Variants in NUP62 observed in about 807,000 individuals in gnomAD.
NUP62 encodes nuclear pore glycoprotein p62.
For synonymous variants in NUP62, 305 were observed against 303.4 expected (o/e 1.01, Z -0.05); for missense variants, 647 against 689.4 (o/e 0.94, Z 0.69).
intron 2 of NUP62, among the ~76,000 whole-genome samples, chr19:49,924,283 G>A (rs11083990): frequency 0.29 from 44,546 of 151,896 alleles, 7,084 homozygotes; most frequent in Non-Finnish European, 0.34. Context: ...GTGATCTGAG[G>A]CCCCTTCTTG....
chr19:49,909,847 A>G lies in NUP62; in HGVS notation c.-40T>C, dbSNP rs1394022379. On this transcript the variant is annotated 5_prime_UTR_variant, in exon 3 of 3. Transcript: ENST00000352066. ...GTGGCGGCAGCTACTCTGGCTCCCA[A>G]AGCAAATCCGTCGGTGTCTGCAGCC... 8.1e-6 allele frequency: 13 copies of G among 1,601,830 alleles called. No homozygotes were observed. In the Admixed American group the frequency reaches 2.2e-4, roughly 27 times the overall value.
chr19:49,906,917 T>A lies in NUP62; in HGVS notation c.*1322A>T, dbSNP rs1478347369. The A allele has an allele frequency of 6.6e-6, 1 of 152,462 alleles. No homozygotes were observed. The highest frequency in any genetic ancestry group is 1.5e-5 in the Non-Finnish European group (1 of 68,216). 9.4% of individuals were successfully genotyped at this position (152,462 alleles called of 1,614,324 possible). On this transcript the variant is annotated 3_prime_UTR_variant, in exon 3 of 3. Transcript: ENST00000352066. ...AAAGTATAAAGACAAATACAAAAGATGCTTGGGATACAACCGCTAGCTTCT... is the reference window on the plus strand; with the variant it reads ...AAAGTATAAAGACAAATACAAAAGAAGCTTGGGATACAACCGCTAGCTTCT...
At chr19:49,922,721 A>C (rs1183133567) in intron 2 of NUP62, among the ~76,000 whole-genome samples, 1 of 151,856 alleles carries the variant, frequency 6.6e-6, no homozygotes, top group African/African-American at 2.4e-5. Flanking sequence ...GAAAAAAAAA[A>C]AACTGGATTT....
Position 49,908,203 on chromosome 19 carries a change from TC to T in NUP62, c.*35del. On this transcript the variant is annotated 3_prime_UTR_variant, in exon 3 of 3. Coordinates refer to ENST00000352066, the MANE Select transcript of NUP62 (RefSeq NM_016553.5). ...AACAGGGCGCATTCCCCTCATGAAC[TC>T]CCTAGGGACCTGCGGGCCCCAGGGC... 7 of 1,607,906 alleles carry T rather than the reference TC, an allele frequency of 4.4e-6. No individual in the cohort carries two copies. The highest frequency in any genetic ancestry group is 5.9e-6 in the Non-Finnish European group (7 of 1,179,124).
In NUP62 at chr19:49,907,073, A is replaced by G. The variant is rs1278445974; in HGVS notation, c.*1166T>C. On this transcript the variant is annotated 3_prime_UTR_variant, in exon 3 of 3. Transcript: ENST00000352066. ...GTGGACTGACGTTACACTGGGCTTC[A>G]TTGTTCTTTCATTTAACAAATGTGA... The G allele has an allele frequency of 4.5e-5, 7 of 156,900 alleles. No homozygotes were observed. Among genetic ancestry groups the G allele is most frequent in the African/African-American group, 1.2e-4 (5 of 41,574 alleles). The allele number at this position is 156,900 out of a possible 1,614,324, so 9.7% of individuals were successfully genotyped here. A position where few individuals can be genotyped will look rare whatever the true frequency, so the allele number is the denominator to read the frequency against.
At chr19:49,919,937 T>G (rs1400763460) in intron 2 of NUP62, among the ~76,000 whole-genome samples, 5 of 152,196 alleles carry the variant, frequency 3.3e-5, no homozygotes, top group Non-Finnish European at 5.9e-5. Context: ...AAAAAATTTT[T>G]TTTTTTCTAA....
chr19:49,908,065 G>C lies in NUP62; in HGVS notation c.*174C>G, dbSNP rs2075363031. On this transcript the variant is annotated 3_prime_UTR_variant, in exon 3 of 3. Transcript: ENST00000352066. ...GGCTGCTGCCTGGGCAGAAGGCCCA[G>C]AATACCCTCCTAAATGGAAAAACGC... is the stretch of plus-strand genomic sequence containing the variant. 11 of 1,391,034 alleles carry C rather than the reference G, an allele frequency of 7.9e-6. No homozygotes were observed. Among genetic ancestry groups the C allele is most frequent in the Non-Finnish European group, 3.8e-6 (4 of 1,051,804 alleles). The allele number at this position is 1,391,034 out of a possible 1,614,324, so 86.2% of individuals were successfully genotyped here.
In NUP62 at chr19:49,909,870, G is replaced by C. The variant is rs1402776298; in HGVS notation, c.-63C>G. 6.5e-7 allele frequency: 1 copy of C among 1,549,354 alleles called. No individual in the cohort carries two copies. Among genetic ancestry groups the C allele is most frequent in the Admixed American group, 1.7e-5 (1 of 58,332 alleles). On this transcript the variant is annotated 5_prime_UTR_variant, in exon 3 of 3. Coordinates refer to ENST00000352066, the MANE Select transcript of NUP62 (RefSeq NM_016553.5). ...CAAAGCAAATCCGTCGGTGTCTGCA[G>C]CCTTGGGAAGATTTCTAAAGCAGAG...
Position 49,908,145 on chromosome 19 carries a change from A to G in NUP62, c.*94T>C. ...TCATGTGAAAGAAAGAAACAAACAAACAAGTATCTTGCCACAACCCCAAAC... is the reference window on the plus strand; with the variant it reads ...TCATGTGAAAGAAAGAAACAAACAAGCAAGTATCTTGCCACAACCCCAAAC... On this transcript the variant is annotated 3_prime_UTR_variant, in exon 3 of 3. Transcript: ENST00000352066. The G allele has an allele frequency of 6.5e-7, 1 of 1,539,038 alleles. No homozygotes were observed.
At chr19:49,923,291 CCA>C in intron 2 of NUP62, among the ~76,000 whole-genome samples, 1 of 152,206 alleles carries the variant, frequency 6.6e-6, no homozygotes, top group Admixed American at 6.5e-5. Context: ...CCTGCGTGAC[CCA>C]GTTACCCTCC....
At position 49,909,107 on chromosome 19, in the gene NUP62, G is replaced by C; in HGVS notation, c.701C>G (p.Thr234Ser). ...SIATAPTSSA[T>S]TGLSLCTPVT... ...AGGGGTACAGAGGGAGAGTCCAGTG[G>C]TGGCAGATGAGGTTGGAGCAGTTGC... Residue 234 changes from threonine (T) to serine (S), a missense_variant, in exon 3 of 3, where the codon ACC becomes AGC. By Grantham distance (58) the Thr-to-Ser change is moderately conservative. Coordinates refer to ENST00000352066, the MANE Select transcript of NUP62 (RefSeq NM_016553.5). 1 of 1,612,468 alleles carries C rather than the reference G, an allele frequency of 6.2e-7. No individual in the cohort carries two copies. Among genetic ancestry groups the C allele is most frequent in the Non-Finnish European group, 8.5e-7 (1 of 1,180,024 alleles).
intron 2 of NUP62, among the ~76,000 whole-genome samples, chr19:49,918,917 G>C (rs1158194395): frequency 1.5e-5 from 2 of 133,790 alleles, no homozygotes; most frequent in Non-Finnish European, 3.2e-5. Flanking sequence ...GGCGGGGTGT[G>C]GGGGGGCGGA....
Position 49,909,551 on chromosome 19 carries a change from G to C in NUP62, c.257C>G (p.Thr86Ser). The change falls in exon 3 of 3, where the codon ACT becomes AGT. Residue 86 changes from threonine (T) to serine (S), a missense_variant. Thr to Ser is a moderately conservative substitution (Grantham distance 58). Transcript: ENST00000352066. The stretch of plus-strand genomic sequence containing the variant: ...AGCACCGATCCCCAAAGAAAATCCA[G>C]TTCCCCCCGAAGCAAGAGTCGCTGT... The part of the protein sequence containing the change: ...FGTATLASGG[T>S]GFSLGIGASK... 6.2e-7 allele frequency: 1 copy of C among 1,614,206 alleles called. No individual in the cohort carries two copies. Among genetic ancestry groups the C allele is most frequent in the Non-Finnish European group, 8.5e-7 (1 of 1,180,040 alleles).
intron 2 of NUP62, among the ~76,000 whole-genome samples, chr19:49,927,284 G>T (rs36220131): frequency 0.045 from 6,905 of 152,144 alleles, 313 homozygotes; most frequent in East Asian, 0.12. Context: ...CATATAATCT[G>T]GCTCCAGAGT....
rs2075366959 is a variant in NUP62 at position 49,908,254 on chromosome 19, C to T, written c.1554G>A (p.Arg518=). ...GRRKEQERSF[R]ITFD ...CTGCTGTCGCTCAGTCAAAGGTGAT[C>T]CGGAAGCTGCGCTCCTGCTCCTTGC... Residue 518 remains arginine, a synonymous_variant, in exon 3 of 3, where the codon CGG becomes CGA. Coordinates refer to ENST00000352066, the MANE Select transcript of NUP62 (RefSeq NM_016553.5). The T allele has an allele frequency of 6.2e-7, 1 of 1,613,302 alleles. No individual in the cohort carries two copies. Among genetic ancestry groups the T allele is most frequent in the African/African-American group, 1.3e-5 (1 of 74,940 alleles).
At chr19:49,923,546 A>G (rs1471770813) in intron 2 of NUP62, among the ~76,000 whole-genome samples, 2 of 151,624 alleles carry the variant, frequency 1.3e-5, no homozygotes, top group Non-Finnish European at 2.9e-5. Context: ...AGAGAGAATC[A>G]CACACAGACC....
chr19:49,927,215 G>C (rs372053634), intron 2 of NUP62, among the ~76,000 whole-genome samples: 2 of 152,050 alleles, frequency 1.3e-5, no homozygotes, highest in South Asian at 4.1e-4. Flanking sequence ...TGAGGCACAG[G>C]GAAGGGAAAT....
chr19:49,909,137 G>A lies in NUP62; in HGVS notation c.671C>T (p.Ser224Leu). The A allele has an allele frequency of 6.2e-7, 1 of 1,612,744 alleles. No individual in the cohort carries two copies. The highest frequency in any genetic ancestry group is 1.1e-5 in the South Asian group (1 of 91,070). The change falls in exon 3 of 3, where the codon TCA (serine) becomes TTA (leucine). Residue 224 changes from serine to leucine, a missense_variant. Coordinates refer to ENST00000352066, the MANE Select transcript of NUP62 (RefSeq NM_016553.5). ...ITSTGPSLFA[S>L]IATAPTSSAT... ...AGATGAGGTTGGAGCAGTTGCTATT[G>A]ACGCAAAGAGGCTGGGCCCAGTGCT...
Position 49,907,392 on chromosome 19 carries a change from C to A in NUP62, c.*847G>T, listed in dbSNP as rs1452566180. 5.3e-6 allele frequency: 2 copies of A among 373,996 alleles called. No individual in the cohort carries two copies. The allele number at this position is 373,996 out of a possible 1,614,324, so 23.2% of individuals were successfully genotyped here. A position where few individuals can be genotyped will look rare whatever the true frequency, so the allele number is the denominator to read the frequency against. On this transcript the variant is annotated 3_prime_UTR_variant, in exon 3 of 3. Transcript: ENST00000352066. ...TCCTCAACACCCTGTGTGTGCAGGC[C>A]CCTCAGCTGACCTGTCTTCTGTGAA... is the stretch of plus-strand genomic sequence containing the variant.
Sources: gnomAD v4.1 joint callset for allele counts (sites outside exome capture counted in the v4.1 genomes callset) on GRCh38, gnomAD v4.1.1 for gene constraint, MANE v1.5 for transcripts, NCBI Gene and HGNC (gene_info 2026-07-23, HGNC 2026-07-21) for gene names.